The following DMD variants were observed in gnomAD, a reference collection of about 807,000 sequenced individuals.
DMD encodes dystrophin, also known as mutant dystrophin.
A neutral mutation model predicts 330.1 loss-of-function variants in DMD; 63 were observed. The ratio of observed to expected loss-of-function variants is 0.19; its 90% confidence interval spans 0.16 to 0.24. The LOEUF is 0.24. Among genes scored for constraint, DMD ranks in the 10% least tolerant of loss-of-function variants. The pLI, the probability that DMD is intolerant of heterozygous loss-of-function variation, is 1.00. For synonymous variants in DMD, 1,223 were observed against 959.8 expected (o/e 1.27, Z -5.07); for missense variants, 3,344 against 2,684.1 (o/e 1.25, Z -5.43).
At chrX:32,822,010 T>C (rs1026133720) in intron 5 of DMD, among the ~76,000 whole-genome samples, 1 of 111,814 alleles carries the variant, frequency 8.9e-6, no homozygotes, top group Non-Finnish European at 1.9e-5. Flanking sequence ...AATTGAATTT[T>C]ACACTTAGAA....
chrX:32,566,174 G>C (rs2051690011), intron 15 of DMD, among the ~76,000 whole-genome samples: 1 of 111,908 alleles, frequency 8.9e-6, no homozygotes, highest in Non-Finnish European at 1.9e-5. Context: ...AAGTGAAAAG[G>C]TAATATTGCT....
intron 17 of DMD, among the ~76,000 whole-genome samples, chrX:32,531,796 G>A (rs918628449): frequency 9.0e-6 from 1 of 110,690 alleles, no homozygotes; most frequent in Non-Finnish European, 1.9e-5. Context: ...TAGAATTACT[G>A]TTCATTGCTA....
At chrX:31,817,827 CCTT>C (rs1170373687) in intron 50 of DMD, among the ~76,000 whole-genome samples, 2 of 111,814 alleles carry the variant, frequency 1.8e-5, no homozygotes, top group African/African-American at 6.5e-5. Flanking sequence ...TCACTGATCT[CCTT>C]AATATTCCGT....
intron 22 of DMD, among the ~76,000 whole-genome samples, chrX:32,471,150 G>A (rs1317393251): frequency 1.2e-4 from 13 of 110,519 alleles, no homozygotes; most frequent in African/African-American, 3.0e-4. Context: ...GTGATGGCAC[G>A]CACTATAATC....
intron 1 of DMD, among the ~76,000 whole-genome samples, chrX:33,063,954 T>C (rs989950635): frequency 1.8e-5 from 2 of 112,070 alleles, no homozygotes; most frequent in Admixed American, 1.9e-4. Context: ...TTTACATTTT[T>C]AATTTTTTCG....
chrX:31,823,632 G>A (rs760343613), intron 49 of DMD, among the ~76,000 whole-genome samples: 1 of 110,609 alleles, frequency 9.0e-6, no homozygotes, highest in South Asian at 3.9e-4. Context: ...CCAGGCGGGA[G>A]AGCAGTGGCA....
intron 1 of DMD, among the ~76,000 whole-genome samples, chrX:33,102,793 C>T (rs1038500869): frequency 1.8e-5 from 2 of 111,573 alleles, no homozygotes; most frequent in Non-Finnish European, 3.8e-5. Context: ...TATATATGTA[C>T]ATATATATCT....
At chrX:32,037,073 G>A (rs112197158) in intron 44 of DMD, among the ~76,000 whole-genome samples, 5 of 111,801 alleles carry the variant, frequency 4.5e-5, no homozygotes, top group African/African-American at 6.5e-5. Flanking sequence ...AATATAGATA[G>A]GTTGTTTATG....
intron 71 of DMD, 66 bp downstream of exon 71, chrX:31,177,866 C>T: frequency 3.1e-6 from 3 of 959,623 alleles, no homozygotes; most frequent in African/African-American, 1.9e-5. Context: ...ATAAACAGAA[C>T]AAAAGAGAAC....
chrX:32,781,987 G>T (rs1008628529), intron 7 of DMD, among the ~76,000 whole-genome samples: 1 of 111,008 alleles, frequency 9.0e-6, no homozygotes, highest in Non-Finnish European at 1.9e-5. Flanking sequence ...ATTCATGTAG[G>T]CTCCCAGGTA....
At chrX:31,703,752 A>T (rs1268372732) in intron 52 of DMD, among the ~76,000 whole-genome samples, 1 of 111,901 alleles carries the variant, frequency 8.9e-6, no homozygotes, top group Non-Finnish European at 1.9e-5. Flanking sequence ...GGGGAAGATG[A>T]GGAAATGAAT....
intron 2 of DMD, among the ~76,000 whole-genome samples, chrX:32,896,858 C>T (rs1226919971): frequency 8.9e-6 from 1 of 112,157 alleles, no homozygotes; most frequent in Non-Finnish European, 1.9e-5. Context: ...TTCAAAGATT[C>T]AACAACACTG....
At chrX:32,710,237 A>G (rs1356447119) in intron 7 of DMD, among the ~76,000 whole-genome samples, 1 of 110,311 alleles carries the variant, frequency 9.1e-6, no homozygotes, top group Non-Finnish European at 1.9e-5. Context: ...CCAATAAGTG[A>G]CAGTCTGATT....
chrX:31,243,504 G>A (rs1051067956), intron 63 of DMD, among the ~76,000 whole-genome samples: 4 of 112,239 alleles, frequency 3.6e-5, no homozygotes, highest in African/African-American at 1.3e-4. Flanking sequence ...TGGAAGAGTT[G>A]TGTTTGGTTA....
chrX:31,457,495 A>G (rs775338575), intron 59 of DMD, among the ~76,000 whole-genome samples: 84 of 111,932 alleles, frequency 7.5e-4, no homozygotes, highest in African/African-American at 2.7e-3. Flanking sequence ...AATGATGACT[A>G]TTAATAACTA....
chrX:32,574,941 A>T (rs2052863377), intron 13 of DMD, among the ~76,000 whole-genome samples: 1 of 107,885 alleles, frequency 9.3e-6, no homozygotes, highest in African/African-American at 3.4e-5. Flanking sequence ...CCTGTCACCC[A>T]GGCTGGAGTG....
intron 60 of DMD, among the ~76,000 whole-genome samples, chrX:31,374,661 G>T (rs2059788797): frequency 1.3e-5 from 1 of 77,012 alleles, no homozygotes; most frequent in African/African-American, 4.8e-5. Flanking sequence ...ATCACACTCT[G>T]GGGACTGTTG....
At chrX:31,240,785 C>T (rs2048185376) in intron 63 of DMD, among the ~76,000 whole-genome samples, 1 of 111,732 alleles carries the variant, frequency 8.9e-6, no homozygotes, top group Non-Finnish European at 1.9e-5. Context: ...TAATTACCTT[C>T]AACTGTGATA....
intron 7 of DMD, among the ~76,000 whole-genome samples, chrX:32,761,654 C>G (rs898599607): frequency 1.8e-5 from 2 of 111,299 alleles, no homozygotes; most frequent in Non-Finnish European, 3.8e-5. Flanking sequence ...GTAATGTGCC[C>G]GCTTTGAGGG....
Sources: gnomAD v4.1 joint callset for allele counts (sites outside exome capture counted in the v4.1 genomes callset) on GRCh38, gnomAD v4.1.1 for gene constraint, MANE v1.5 for transcripts, NCBI Gene and HGNC (gene_info 2026-07-23, HGNC 2026-07-21) for gene names.